The following SMC1B variants were observed in gnomAD, a reference collection of about 807,000 sequenced individuals.
SMC1B encodes the protein structural maintenance of chromosomes 1B.
Under a neutral mutation model 157.9 loss-of-function variants are expected in SMC1B, and 60 were observed. The observed-to-expected ratio is 0.38, with a 90% CI of 0.31 to 0.47. The LOEUF is 0.47. Among genes scored for constraint, SMC1B ranks in the 20% least tolerant of loss-of-function variants. The probability of loss-of-function intolerance (pLI) is 0.99; values close to 1 mark genes in which losing one functional copy is unlikely to be tolerated. For missense variants in SMC1B, 1,165 were observed against 1,426.2 expected (o/e 0.82, Z 2.95); for synonymous variants, 445 against 483.0 (o/e 0.92, Z 1.03).
chr22:45,371,666 T>C lies in SMC1B; in HGVS notation c.2197-79A>G, dbSNP rs935631425. 1.5e-5 allele frequency: 22 copies of C among 1,475,012 alleles called. No homozygotes were observed. In the African/African-American group the frequency reaches 3.0e-4, roughly 20 times the overall value. 91.4% of individuals were successfully genotyped at this position (1,475,012 alleles called of 1,614,324 possible). On this transcript the variant is annotated intron_variant, in intron 13 of 24. Coordinates refer to ENST00000357450, the MANE Select transcript of SMC1B (RefSeq NM_148674.5). ...TGAAGCCAAAAATGTGATAGGTATC[T>C]TTTGGAATAAAAGAAGAATCTATGA...
At chr22:45,362,734 T>C in intron 16 of SMC1B, 151 bp downstream of exon 16, 1 of 632,756 alleles carries the variant, frequency 1.6e-6, no homozygotes, top group Non-Finnish European at 2.6e-6. Context: ...CAGTAATTCA[T>C]AAAGCTCTGC....
chr22:45,388,825 A>G (rs1269258313), intron 10 of SMC1B, among the ~76,000 whole-genome samples: 1 of 151,788 alleles, frequency 6.6e-6, no homozygotes, highest in Non-Finnish European at 1.5e-5. Flanking sequence ...AAAATACAAA[A>G]AAAAGAAAAA....
Position 45,413,588 on chromosome 22 carries a change from A to C in SMC1B, c.-21T>G. The C allele has an allele frequency of 6.3e-7, 1 of 1,580,848 alleles. No individual in the cohort carries two copies. Among genetic ancestry groups the C allele is most frequent in the South Asian group, 1.1e-5 (1 of 87,048 alleles). Reference sequence around the variant, plus strand: ...GCCATGGCGCCGCCCTCCACGCCTCACCCGCGTTATCAAGCGCCCGCGGAA... The same window carrying C: ...GCCATGGCGCCGCCCTCCACGCCTCCCCCGCGTTATCAAGCGCCCGCGGAA... On this transcript the variant is annotated 5_prime_UTR_variant, in exon 1 of 25. Transcript: ENST00000357450.
At chr22:45,353,923 A>AAAAAAAAAAC in intron 21 of SMC1B, 55 bp downstream of exon 21, 1 of 1,036,896 alleles carries the variant, frequency 9.6e-7, no homozygotes, top group Non-Finnish European at 1.4e-6. Flanking sequence ...AAAAAAAACA[A>AAAAAAAAAAC]CCACCACCGG....
chr22:45,359,298 A>G (rs1419254083), intron 18 of SMC1B, among the ~76,000 whole-genome samples: 1 of 152,162 alleles, frequency 6.6e-6, no homozygotes, highest in African/African-American at 2.4e-5. Flanking sequence ...TATAATCCAA[A>G]TGTGGTGAAA....
chr22:45,379,700 G>C (rs1455368382), intron 12 of SMC1B, among the ~76,000 whole-genome samples: 1 of 147,488 alleles, frequency 6.8e-6, no homozygotes, highest in Non-Finnish European at 1.5e-5. Flanking sequence ...GTGTTGCTTA[G>C]AGTACTTTCC....
At chr22:45,411,741 C>T (rs773222752) in intron 1 of SMC1B, among the ~76,000 whole-genome samples, 15 of 152,022 alleles carry the variant, frequency 9.9e-5, no homozygotes, top group Non-Finnish European at 2.2e-4. Context: ...CGTGCGCCAC[C>T]ACGCCAGGCT....
At chr22:45,353,893 CAAAAAAAAAAAA>C (rs3833396) in intron 21 of SMC1B, 73 bp downstream of exon 21, 26 of 247,486 alleles carry the variant, frequency 1.1e-4, no homozygotes, top group Admixed American at 6.5e-4. Flanking sequence ...TATTTCCCAC[CAAAAAAAAAAAA>C]AAAAAAAAAA....
chr22:45,381,434 G>A (rs1053279977), intron 12 of SMC1B, among the ~76,000 whole-genome samples: 5 of 152,072 alleles, frequency 3.3e-5, no homozygotes, highest in Non-Finnish European at 5.9e-5. Flanking sequence ...TCCAAACTCA[G>A]GAATAGGGAG....
intron 2 of SMC1B, 135 bp downstream of exon 2, chr22:45,408,575 T>A: frequency 1.8e-6 from 1 of 564,144 alleles, no homozygotes. Context: ...TTCTGAGATA[T>A]GCTATGCAAG....
intron 4 of SMC1B, among the ~76,000 whole-genome samples, chr22:45,403,218 C>T (rs958638828): frequency 1.3e-5 from 2 of 152,144 alleles, no homozygotes; most frequent in Admixed American, 1.3e-4. Flanking sequence ...TTTTGCAGTT[C>T]AGTATATTGT....
Position 45,386,872 on chromosome 22 carries a change from G to A in SMC1B, c.1906C>T (p.Gln636Ter). 6.2e-7 allele frequency: 1 copy of A among 1,612,040 alleles called. No individual in the cohort carries two copies. The highest frequency in any genetic ancestry group is 8.5e-7 in the Non-Finnish European group (1 of 1,178,742). The change falls in exon 11 of 25, where the codon CAG becomes TAG. Residue 636 changes from glutamine to a stop codon, truncating the protein, a stop_gained. Coordinates refer to ENST00000357450, the MANE Select transcript of SMC1B (RefSeq NM_148674.5). LOFTEE classifies it high-confidence loss of function. The part of the protein sequence containing the change: ...RHIALSGPER[Q>*]KTVALDGTLF... ...ATCCAAGCCTCTTTTCTTACTTTCT[G>A]TCTTTCAGGTCCACTGAGTGCAATA...
At chr22:45,356,986 A>C (rs111232465) in intron 19 of SMC1B, among the ~76,000 whole-genome samples, 3 of 151,560 alleles carry the variant, frequency 2.0e-5, no homozygotes, top group Non-Finnish European at 4.4e-5. Flanking sequence ...GCCCATGTCA[A>C]CCTCCCAAAG....
chr22:45,372,366 T>C lies in SMC1B; in HGVS notation c.2059-74A>G. Reference sequence around the variant, plus strand: ...TCACTTTTCAAAGTGCTTTCATATGTAATAATTCACTGATTTTTACATACC... The same window carrying C: ...TCACTTTTCAAAGTGCTTTCATATGCAATAATTCACTGATTTTTACATACC... On this transcript the variant is annotated intron_variant, in intron 12 of 24. Coordinates refer to ENST00000357450, the MANE Select transcript of SMC1B (RefSeq NM_148674.5). 2.3e-6 allele frequency: 3 copies of C among 1,311,048 alleles called. No homozygotes were observed. In the South Asian group the frequency reaches 4.5e-5, roughly 20 times the overall value. 81.2% of individuals were successfully genotyped at this position (1,311,048 alleles called of 1,614,324 possible). A position where few individuals can be genotyped will look rare whatever the true frequency, so the allele number is the denominator to read the frequency against.
chr22:45,365,949 T>C (rs1038476750), intron 15 of SMC1B, among the ~76,000 whole-genome samples: 14 of 152,210 alleles, frequency 9.2e-5, no homozygotes, highest in African/African-American at 3.1e-4. Flanking sequence ...TTTGAAGGTA[T>C]CAATTCTCCA....
chr22:45,372,880 T>G lies in SMC1B; in HGVS notation c.2059-588A>C, dbSNP rs567686569. On this transcript the variant is annotated intron_variant, in intron 12 of 24. Transcript: ENST00000357450. ...GGCACCCGCCAGCAGGCCCAGCTAATTTTTTGTATTATTAGTAGAGACGGG... is the reference window on the plus strand; with the variant it reads ...GGCACCCGCCAGCAGGCCCAGCTAAGTTTTTGTATTATTAGTAGAGACGGG... 2.0e-5 allele frequency among the ~76,000 whole-genome samples: 3 copies of G among 152,158 alleles called. No homozygotes were observed. The East Asian group carries it at 5.8e-4, about 29-fold the overall frequency.
At chr22:45,410,935 T>C (rs1241878057) in intron 1 of SMC1B, among the ~76,000 whole-genome samples, 2 of 152,238 alleles carry the variant, frequency 1.3e-5, no homozygotes, top group African/African-American at 4.8e-5. Context: ...TTGAGGGCTA[T>C]TGTAAGACAG....
chr22:45,408,000 A>C (rs1019435524), intron 2 of SMC1B, among the ~76,000 whole-genome samples: 1 of 152,246 alleles, frequency 6.6e-6, no homozygotes, highest in African/African-American at 2.4e-5. Flanking sequence ...GTGGTAGAAA[A>C]AACTGTCTAT....
At chr22:45,408,615 G>T in intron 2 of SMC1B, 95 bp downstream of exon 2, 1 of 786,454 alleles carries the variant, frequency 1.3e-6, no homozygotes. Context: ...CATTACACCA[G>T]TAGAATAATA....
Sources: allele counts gnomAD v4.1 joint callset (sites outside exome capture counted in the v4.1 genomes callset), GRCh38; gene constraint gnomAD v4.1.1; transcripts MANE v1.5; gene names NCBI Gene and HGNC (gene_info 2026-07-23, HGNC 2026-07-21).